The following KIDINS220 variants were observed in gnomAD, a reference collection of about 807,000 sequenced individuals.
KIDINS220 encodes the protein kinase D-interacting substrate of 220 kDa.
Under a neutral mutation model 157.6 loss-of-function variants are expected in KIDINS220, and 63 were observed. The observed-to-expected ratio is 0.40, with a 90% CI of 0.33 to 0.49. KIDINS220 has a LOEUF of 0.49. Among genes scored for constraint, KIDINS220 ranks in the 20% least tolerant of loss-of-function variants. The pLI, the probability that KIDINS220 is intolerant of heterozygous loss-of-function variation, is 0.66. For synonymous variants in KIDINS220, 732 were observed against 783.6 expected, an observed-to-expected ratio of 0.93 and a Z score of 1.10; for missense variants, 1,772 against 2,171.2, an observed-to-expected ratio of 0.82 and a Z score of 3.65.
intron 22 of KIDINS220, among the ~76,000 whole-genome samples, chr2:8,767,598 A>T (rs935778386): frequency 6.6e-5 from 10 of 152,130 alleles, no homozygotes; most frequent in Admixed American, 3.3e-4. Context: ...AGGCCAAATG[A>T]TGGCGGGGAA....
At chr2:8,808,814 T>C (rs1238904993) in intron 6 of KIDINS220, among the ~76,000 whole-genome samples, 1 of 152,240 alleles carries the variant, frequency 6.6e-6, no homozygotes, top group Non-Finnish European at 1.5e-5. Context: ...GGGTCTCTCC[T>C]GTTCTAACAA....
chr2:8,806,494 G>A (rs1216520764), intron 6 of KIDINS220, 125 bp from the exon 7 acceptor site: 8 of 577,242 alleles, frequency 1.4e-5, no homozygotes, highest in South Asian at 3.2e-5. Context: ...TACATTTATC[G>A]TAATTGTAAT....
In KIDINS220 at chr2:8,796,835, A is replaced by G. The variant is rs554726925; in HGVS notation, c.1034T>C (p.Met345Thr). The G allele has an allele frequency of 1.2e-6, 2 of 1,611,334 alleles. No individual in the cohort carries two copies. The highest frequency in any genetic ancestry group is 4.5e-5 in the East Asian group (2 of 44,878). Residue 345 changes from methionine (M) to threonine (T), a missense_variant, in exon 11 of 30, where the codon ATG becomes ACG. Met to Thr is a moderately conservative substitution (Grantham distance 81). Transcript: ENST00000256707. ...CAGCTCCACCACTTCAATGTTTCTC[A>G]TCTTGGTAGCCTTTATAAGTGGCGT... Reference protein sequence around the residue: ...GETPLIKATKMRNIEVVELLL... With the variant: ...GETPLIKATKTRNIEVVELLL...
chr2:8,744,380 AAAAAAAAAATATATATATATAATATAT>A lies in KIDINS220; in HGVS notation c.3585+2738_3585+2764del, dbSNP rs1273040155. On this transcript the variant is annotated intron_variant, in intron 26 of 29. Transcript: ENST00000256707. ...CCTCATGGCAAAAAAAAAAAAAAAA[AAAAAAAAAATATATATATATAATATAT>A]ATATATATATATATATATATATATA... Among the ~76,000 whole-genome samples, 85 of 31,280 alleles carry A rather than the reference AAAAAAAAAATATATATATATAATATAT, an allele frequency of 2.7e-3. 1 individual carries two copies. The highest frequency in any genetic ancestry group is 3.4e-3 in the Non-Finnish European group (69 of 20,168). 20.5% of individuals were successfully genotyped at this position (31,280 alleles called of 152,430 possible).
At chr2:8,779,252 T>G in intron 18 of KIDINS220, 113 bp from the exon 19 acceptor site, 1 of 1,330,024 alleles carries the variant, frequency 7.5e-7, no homozygotes, top group Non-Finnish European at 1.0e-6. Context: ...AAACTACTAT[T>G]TCTTTTCATC....
rs1197488071 is a variant in KIDINS220 at position 8,811,292 on chromosome 2, T to TG, written c.504+1102dup. On this transcript the variant is annotated intron_variant, in intron 6 of 29. Coordinates refer to ENST00000256707, the MANE Select transcript of KIDINS220 (RefSeq NM_020738.4). ...TACTGGAAATAATGGAGGTACAAAA[T>TG]GGGAAAAAAAAAAAAAAAGAGCAGT... Among the ~76,000 whole-genome samples, 8 of 111,002 alleles carry TG rather than the reference T, an allele frequency of 7.2e-5. No homozygotes were observed. In the East Asian group the frequency reaches 1.7e-3, roughly 24 times the overall value. The allele number at this position is 111,002 out of a possible 152,430, so 72.8% of individuals were successfully genotyped here.
chr2:8,791,980 G>A (rs1325325291), intron 12 of KIDINS220, among the ~76,000 whole-genome samples: 1 of 152,120 alleles, frequency 6.6e-6, no homozygotes, highest in Non-Finnish European at 1.5e-5. Context: ...ACTCATATAG[G>A]ATATTAACAT....
intron 12 of KIDINS220, 96 bp downstream of exon 12, chr2:8,793,714 C>T (rs1476596538): frequency 6.9e-6 from 8 of 1,159,906 alleles, no homozygotes; most frequent in Non-Finnish European, 8.3e-6. Flanking sequence ...GCTGGGATTA[C>T]AGGCATGAGC....
chr2:8,764,268 G>GA (rs924042552), intron 22 of KIDINS220, among the ~76,000 whole-genome samples: 11 of 151,544 alleles, frequency 7.3e-5, no homozygotes, highest in African/African-American at 9.7e-5. Flanking sequence ...GAAGGCTAGG[G>GA]AAAAAAAACT....
chr2:8,746,901 A>G (rs1666662768), intron 26 of KIDINS220: 1 of 452,110 alleles, frequency 2.2e-6, no homozygotes, highest in Admixed American at 3.9e-5. Context: ...TGAAGAATAA[A>G]AAAAAACCCC....
chr2:8,801,211 T>C (rs1674639313), intron 8 of KIDINS220, among the ~76,000 whole-genome samples: 1 of 152,244 alleles, frequency 6.6e-6, no homozygotes, highest in South Asian at 2.1e-4. Flanking sequence ...TATTATTTAC[T>C]GCTAACTTAA....
At position 8,794,133 on chromosome 2, in the gene KIDINS220, C is replaced by G; in HGVS notation, c.1099-146G>C. On this transcript the variant is annotated intron_variant, in intron 11 of 29. Coordinates refer to ENST00000256707, the MANE Select transcript of KIDINS220 (RefSeq NM_020738.4). ...GCACATATATAATATGAATTTTTAT[C>G]TCTATCTTCCCCATAATATCCTTCT... The G allele has an allele frequency of 1.1e-5, 6 of 547,696 alleles. No homozygotes were observed. In the South Asian group the frequency reaches 2.0e-4, roughly 18 times the overall value. The allele number at this position is 547,696 out of a possible 1,614,324, so 33.9% of individuals were successfully genotyped here.
At position 8,815,797 on chromosome 2, in the gene KIDINS220, C is replaced by T. The variant is rs564615655; in HGVS notation, c.306+1821G>A. Among the ~76,000 whole-genome samples, 8 of 152,312 alleles carry T rather than the reference C, an allele frequency of 5.3e-5. 1 individual carries two copies. The South Asian group carries it at 1.0e-3, about 20-fold the overall frequency. ...CTGAGACCAATTAACTATAGTGTAG[C>T]TTTATATTTCATGAACTCTTTCTTC... On this transcript the variant is annotated intron_variant, in intron 4 of 29. Transcript: ENST00000256707.
At chr2:8,789,335 T>G (rs1672860213) in intron 14 of KIDINS220, among the ~76,000 whole-genome samples, 1 of 115,258 alleles carries the variant, frequency 8.7e-6, no homozygotes, top group Non-Finnish European at 2.0e-5. Context: ...TTGCCCAGGC[T>G]GGAGAGCAGT....
intron 14 of KIDINS220, among the ~76,000 whole-genome samples, chr2:8,789,606 T>A (rs537475955): frequency 1.3e-5 from 2 of 152,230 alleles, no homozygotes; most frequent in African/African-American, 4.8e-5. Flanking sequence ...AAGATTTAAA[T>A]ATAAATCATT....
intron 1 of KIDINS220, among the ~76,000 whole-genome samples, chr2:8,835,682 A>G (rs1438404480): frequency 2.9e-5 from 4 of 139,424 alleles, no homozygotes; most frequent in Non-Finnish European, 6.2e-5. Context: ...AAAAAAAAAA[A>G]GTTGCCCCAG....
chr2:8,750,389 C>A, intron 23 of KIDINS220, 54 bp from the exon 24 acceptor site: 2 of 1,257,646 alleles, frequency 1.6e-6, no homozygotes, highest in South Asian at 3.9e-5. Flanking sequence ...CATTAGGAAT[C>A]AGTCCAATTA....
chr2:8,785,630 A>G, intron 17 of KIDINS220, 111 bp downstream of exon 17: 2 of 928,384 alleles, frequency 2.2e-6, no homozygotes, highest in African/African-American at 3.3e-5. Context: ...TTAAACTAAA[A>G]TAAATGCAAC....
intron 15 of KIDINS220, 54 bp from the exon 16 acceptor site, chr2:8,786,411 C>T: frequency 2.2e-6 from 3 of 1,357,334 alleles, no homozygotes; most frequent in Non-Finnish European, 2.1e-6. Flanking sequence ...TAACAAATAA[C>T]TTCAATGTAT....
Sources: allele counts gnomAD v4.1 joint callset (sites outside exome capture counted in the v4.1 genomes callset), GRCh38; gene constraint gnomAD v4.1.1; transcripts MANE v1.5; gene names NCBI Gene and HGNC (gene_info 2026-07-23, HGNC 2026-07-21).